Variants in EYS observed in about 807,000 individuals in gnomAD.
EYS encodes the protein EGF-like photoreceptor maintenance factor.
In EYS, 250 loss-of-function variants were observed where a neutral mutation model predicts 282.1. The ratio of observed to expected loss-of-function variants is 0.89; its 90% CI spans 0.80 to 0.98. The LOEUF (loss-of-function observed/expected upper bound fraction) is 0.98. EYS is among the 50% of genes least tolerant of loss of function. EYS has a pLI of 0.00. For synonymous variants in EYS, 1,355 were observed against 1,282.9 expected (o/e 1.06, Z -1.20); for missense variants, 4,016 against 3,709.0 (o/e 1.08, Z -2.15).
chr6:65,554,112 A>C (rs1469629935), intron 2 of EYS, among the ~76,000 whole-genome samples: 1 of 152,134 alleles, frequency 6.6e-6, no homozygotes, highest in Non-Finnish European at 1.5e-5. Flanking sequence ...AATCTGAAGC[A>C]TTCCATCACC....
At chr6:64,492,117 T>C (rs1378343037) in intron 26 of EYS, among the ~76,000 whole-genome samples, 3 of 151,202 alleles carry the variant, frequency 2.0e-5, no homozygotes, top group African/African-American at 7.3e-5. Flanking sequence ...GCATATAACC[T>C]ATATCTTTTT....
chr6:65,049,642 T>C (rs1773206342), intron 13 of EYS, among the ~76,000 whole-genome samples: 1 of 151,732 alleles, frequency 6.6e-6, no homozygotes. Flanking sequence ...GTTATTACTT[T>C]CCAATTTTTC....
At chr6:63,771,184 G>T (rs1227937080) in intron 40 of EYS, among the ~76,000 whole-genome samples, 2 of 152,106 alleles carry the variant, frequency 1.3e-5, no homozygotes, top group Non-Finnish European at 2.9e-5. Flanking sequence ...GACCCTGGTT[G>T]CATTGGGATG....
At chr6:65,652,674 T>C (rs1175571392) in intron 1 of EYS, among the ~76,000 whole-genome samples, 1 of 151,876 alleles carries the variant, frequency 6.6e-6, no homozygotes, top group Non-Finnish European at 1.5e-5. Flanking sequence ...ATCAGGAATG[T>C]AAAGACATAC....
At chr6:65,465,603 G>C (rs981626611) in intron 5 of EYS, among the ~76,000 whole-genome samples, 56 of 152,258 alleles carry the variant, frequency 3.7e-4, no homozygotes, top group African/African-American at 1.3e-3. Context: ...ATTTACATCA[G>C]AGTCAGAGAA....
At chr6:63,879,356 T>C (rs933462325) in intron 35 of EYS, among the ~76,000 whole-genome samples, 1 of 152,170 alleles carries the variant, frequency 6.6e-6, no homozygotes, top group Non-Finnish European at 1.5e-5. Context: ...TTTATTATAA[T>C]TAAGAAAACC....
At chr6:65,291,746 T>C (rs1201862675) in intron 12 of EYS, among the ~76,000 whole-genome samples, 1 of 151,588 alleles carries the variant, frequency 6.6e-6, no homozygotes, top group Non-Finnish European at 1.5e-5. Context: ...AAAAGAGTTA[T>C]GTTGCTTCAA....
intron 12 of EYS, among the ~76,000 whole-genome samples, chr6:65,249,290 A>T (rs1388747528): frequency 6.6e-6 from 1 of 152,006 alleles, no homozygotes; most frequent in African/African-American, 2.4e-5. Flanking sequence ...TTCATTAATG[A>T]TAAATCAGAA....
At chr6:64,624,144 G>A (rs755731581) in intron 23 of EYS, among the ~76,000 whole-genome samples, 1 of 152,114 alleles carries the variant, frequency 6.6e-6, no homozygotes, top group East Asian at 1.9e-4. Context: ...AATACAGGTG[G>A]TATCATTTTG....
intron 35 of EYS, among the ~76,000 whole-genome samples, chr6:63,946,707 T>C (rs918129753): frequency 2.0e-5 from 3 of 149,666 alleles, no homozygotes; most frequent in African/African-American, 7.4e-5. Context: ...ATCCTGAATA[T>C]AGTCTGGTTT....
At chr6:64,342,537 T>G (rs956909008) in intron 29 of EYS, among the ~76,000 whole-genome samples, 35 of 151,862 alleles carry the variant, frequency 2.3e-4, no homozygotes, top group Admixed American at 5.9e-4. Context: ...TCACCACCAG[T>G]CCTGCCCTAA....
At chr6:64,725,032 T>A (rs1342515554) in intron 22 of EYS, among the ~76,000 whole-genome samples, 1 of 152,122 alleles carries the variant, frequency 6.6e-6, no homozygotes, top group Non-Finnish European at 1.5e-5. Flanking sequence ...TAAAAGTGTA[T>A]ATTTATTAGG....
chr6:64,203,198 T>C (rs924609524), intron 31 of EYS, among the ~76,000 whole-genome samples: 1 of 152,148 alleles, frequency 6.6e-6, no homozygotes, highest in Admixed American at 6.6e-5. Flanking sequence ...CTGTGAAGGG[T>C]AGCAATCCAT....
chr6:65,434,888 C>T lies in EYS; in HGVS notation c.863-29521G>A, dbSNP rs561403660. On this transcript the variant is annotated intron_variant, in intron 5 of 42. Transcript: ENST00000503581. ...TTTCAATTAAATATCTCTTTCTTTT[C>T]GTACCTTTATTATCTAATTATCTCT... is the stretch of plus-strand genomic sequence containing the variant. 9.9e-4 allele frequency among the ~76,000 whole-genome samples: 150 copies of T among 151,980 alleles called. 2 individuals are homozygous for T. The highest frequency in any genetic ancestry group is 2.7e-3 in the African/African-American group (111 of 41,474).
At chr6:63,866,656 G>T (rs919688004) in intron 35 of EYS, among the ~76,000 whole-genome samples, 1 of 152,110 alleles carries the variant, frequency 6.6e-6, no homozygotes, top group Non-Finnish European at 1.5e-5. Context: ...ATGCGGAGAC[G>T]ACTAACTGTG....
At chr6:64,728,626 C>T (rs886156475) in intron 22 of EYS, among the ~76,000 whole-genome samples, 2 of 152,144 alleles carry the variant, frequency 1.3e-5, no homozygotes, top group East Asian at 1.9e-4. Flanking sequence ...TGAGCCACCG[C>T]GACCAGCCAT....
chr6:64,771,305 G>A lies in EYS; in HGVS notation c.3443+42073C>T, dbSNP rs145330053. Among the ~76,000 whole-genome samples, 1,332 of 151,530 alleles carry A rather than the reference G, an allele frequency of 8.8e-3. 15 individuals are homozygous for A. The highest frequency in any genetic ancestry group is 0.03 in the African/African-American group (1,246 of 41,400). On this transcript the variant is annotated intron_variant, in intron 22 of 42. Transcript: ENST00000503581. The stretch of plus-strand genomic sequence containing the variant: ...TGCCAAATATTTGCCTATGTTATGA[G>A]ACTTTTCAAATAACTATCTTGTGTT...
intron 21 of EYS, among the ~76,000 whole-genome samples, chr6:64,816,004 T>C (rs1158572487): frequency 6.6e-6 from 1 of 152,118 alleles, no homozygotes. Flanking sequence ...CTGTGATCTC[T>C]TAACTGCCTA....
intron 40 of EYS, among the ~76,000 whole-genome samples, chr6:63,770,979 G>A (rs148878699): frequency 6.6e-6 from 1 of 152,290 alleles, no homozygotes; most frequent in African/African-American, 2.4e-5. Flanking sequence ...ATACCTCACA[G>A]AGTGTAAGAA....
Sources: allele counts gnomAD v4.1 joint callset (sites outside exome capture counted in the v4.1 genomes callset), GRCh38; gene constraint gnomAD v4.1.1; transcripts MANE v1.5; gene names NCBI Gene and HGNC (gene_info 2026-07-23, HGNC 2026-07-21).